Variants in BMP7 observed in about 807,000 individuals in gnomAD.
BMP7 encodes the protein osteogenic protein 1.
Under a neutral mutation model 41.2 loss-of-function variants are expected in BMP7, and 12 were observed. That is an observed-to-expected ratio of 0.29 (90% CI 0.19 to 0.47). The LOEUF (loss-of-function observed/expected upper bound fraction) is 0.47, where lower values mean the gene tolerates loss of function less well. Among genes scored for constraint, BMP7 ranks in the 20% least tolerant of loss-of-function variants. The pLI is 0.99. For synonymous variants in BMP7, 248 were observed against 250.0 expected (o/e 0.99, Z 0.07); for missense variants, 467 against 606.0 (o/e 0.77, Z 2.41).
intron 1 of BMP7, among the ~76,000 whole-genome samples, chr20:57,237,065 A>G (rs2066050707): frequency 6.6e-6 from 1 of 152,232 alleles, no homozygotes; most frequent in African/African-American, 2.4e-5. Flanking sequence ...TTATGAGCAA[A>G]GGGATGCTTT....
In BMP7 at chr20:57,266,258, G is replaced by T; in HGVS notation, c.-136C>A. 1.1e-6 allele frequency: 1 copy of T among 889,040 alleles called. No individual in the cohort carries two copies. Among genetic ancestry groups the T allele is most frequent in the East Asian group, 3.6e-5 (1 of 27,818 alleles). The allele number at this position is 889,040 out of a possible 1,614,324, so 55.1% of individuals were successfully genotyped here. A position where few individuals can be genotyped will look rare whatever the true frequency, so the allele number is the denominator to read the frequency against. On this transcript the variant is annotated 5_prime_UTR_variant, in exon 1 of 7. Coordinates refer to ENST00000395863, the MANE Select transcript of BMP7 (RefSeq NM_001719.3). ...CCCCGCTGCGCCCGCGCCAGACATG[G>T]CCCCTCCCCGGCCGGCCGCGCTCTG... is the stretch of plus-strand genomic sequence containing the variant.
chr20:57,213,025 A>G lies in BMP7; in HGVS notation c.612-10402T>C, dbSNP rs1371478605. ...ACTTTCTTGAAGACGGTGCATATCC[A>G]GGAAGGCTAAAATTAAAGCTTTGGG... On this transcript the variant is annotated intron_variant, in intron 2 of 6. Transcript: ENST00000395863. The surrounding 1 kb of genome is among the most constrained non-coding windows in gnomAD (Gnocchi z 4.4). Among the ~76,000 whole-genome samples, 1 of 152,268 alleles carries G rather than the reference A, an allele frequency of 6.6e-6. No individual in the cohort carries two copies. The highest frequency in any genetic ancestry group is 1.9e-4 in the East Asian group (1 of 5,200).
chr20:57,236,474 T>G (rs2066048203), intron 1 of BMP7, among the ~76,000 whole-genome samples: 1 of 152,152 alleles, frequency 6.6e-6, no homozygotes, highest in African/African-American at 2.4e-5. Context: ...AGCTGTTGAA[T>G]TGGGTTTATG....
intron 2 of BMP7, among the ~76,000 whole-genome samples, chr20:57,219,766 G>A (rs536623262): frequency 5.6e-4 from 86 of 152,270 alleles, no homozygotes; most frequent in Middle Eastern, 3.4e-3. Context: ...GGTGCTCTGC[G>A]CAGCACCGCT....
rs57062226 is a variant in BMP7 at position 57,209,249 on chromosome 20, TTATATA to T, written c.612-6632_612-6627del. ...AACAAATACCTAGATTTATATATTT[TTATATA>T]TATATATATATATATATATATATAT... On this transcript the variant is annotated intron_variant, in intron 2 of 6. Coordinates refer to ENST00000395863, the MANE Select transcript of BMP7 (RefSeq NM_001719.3). 5.5e-3 allele frequency among the ~76,000 whole-genome samples: 517 copies of T among 94,854 alleles called. 6 individuals are homozygous for T. The highest frequency in any genetic ancestry group is 0.013 in the African/African-American group (376 of 29,088). The allele number at this position is 94,854 out of a possible 152,430, so 62.2% of individuals were successfully genotyped here.
chr20:57,226,071 G>T, intron 2 of BMP7: 1 of 417,354 alleles, frequency 2.4e-6, no homozygotes, highest in Admixed American at 2.5e-5. Flanking sequence ...AGCCTGGCAG[G>T]GAGGACGCCT....
chr20:57,258,202 A>G (rs1476075108), intron 1 of BMP7, among the ~76,000 whole-genome samples: 1 of 152,230 alleles, frequency 6.6e-6, no homozygotes, highest in African/African-American at 2.4e-5. Context: ...TTCAAACAGT[A>G]TAAAGAGCTG....
Position 57,259,710 on chromosome 20 carries a change from C to T in BMP7, c.418+5995G>A, listed in dbSNP as rs2066146521. On this transcript the variant is annotated intron_variant, in intron 1 of 6. Transcript: ENST00000395863. The surrounding 1 kb of genome is among the most constrained non-coding windows in gnomAD (Gnocchi z 4.7). The stretch of plus-strand genomic sequence containing the variant: ...GAAAAGGCGGTATTGCACATGCTTG[C>T]CTGAGTTTCGCATAAGTAAGTGTCA... 6.6e-6 allele frequency among the ~76,000 whole-genome samples: 1 copy of T among 152,182 alleles called. No homozygotes were observed. Among genetic ancestry groups the T allele is most frequent in the Admixed American group, 6.5e-5 (1 of 15,282 alleles).
intron 6 of BMP7, 80 bp downstream of exon 6, chr20:57,173,120 A>G (rs555338424): frequency 7.7e-6 from 11 of 1,433,170 alleles, no homozygotes; most frequent in Middle Eastern, 1.8e-4. Context: ...CTCAGGCCCC[A>G]GCTTGGAGGC....
intron 1 of BMP7, among the ~76,000 whole-genome samples, chr20:57,231,764 C>T (rs932767779): frequency 6.6e-6 from 1 of 152,234 alleles, no homozygotes; most frequent in Non-Finnish European, 1.5e-5. Flanking sequence ...TCCCCGCAAA[C>T]CTCAGTTCCC....
rs769487255 is a variant in BMP7, at chr20:57,228,467, G to A, written c.419-46C>T. 2 of 1,601,308 alleles carry A rather than the reference G, an allele frequency of 1.2e-6. No homozygotes were observed. Among genetic ancestry groups the A allele is most frequent in the Non-Finnish European group, 1.7e-6 (2 of 1,168,386 alleles). On this transcript the variant is annotated intron_variant, in intron 1 of 6. Transcript: ENST00000395863. The surrounding 1 kb of genome is among the most constrained non-coding windows in gnomAD (Gnocchi z 4.5). ...ACACCAACACCGACAGCTCATTAGT[G>A]TCTGGGTTTCACTCTCTGGCTCTGA...
intron 1 of BMP7, among the ~76,000 whole-genome samples, chr20:57,238,463 T>C (rs1056377509): frequency 2.6e-5 from 4 of 152,204 alleles, no homozygotes; most frequent in Admixed American, 2.0e-4. Flanking sequence ...TTCAGGGACA[T>C]ACCCAGAAAT....
At chr20:57,265,557 G>A in intron 1 of BMP7, 148 bp downstream of exon 1, 1 of 1,299,358 alleles carries the variant, frequency 7.7e-7, no homozygotes, top group Non-Finnish European at 1.1e-6. Flanking sequence ...GGAGTCATAG[G>A]GCTGTGGGTG....
chr20:57,224,123 A>C lies in BMP7; in HGVS notation c.611+4106T>G, dbSNP rs916735976. ...TCTGCCTGGGCTGAAGGGACCCAGG[A>C]AACTGAGCCCAGGCCTCCTCTGCCA... On this transcript the variant is annotated intron_variant, in intron 2 of 6. Transcript: ENST00000395863. The surrounding 1 kb of genome is among the most constrained non-coding windows in gnomAD (Gnocchi z 4.8). 4.6e-5 allele frequency among the ~76,000 whole-genome samples: 7 copies of C among 152,114 alleles called. No individual in the cohort carries two copies. Among genetic ancestry groups the C allele is most frequent in the African/African-American group, 1.4e-4 (6 of 41,410 alleles).
intron 1 of BMP7, among the ~76,000 whole-genome samples, chr20:57,231,503 C>G (rs1227527549): frequency 1.3e-5 from 2 of 152,208 alleles, no homozygotes; most frequent in Non-Finnish European, 2.9e-5. Context: ...GAGACCAGGT[C>G]TGCCCCCTGA....
At chr20:57,261,000 A>T (rs147164254) in intron 1 of BMP7, among the ~76,000 whole-genome samples, 10 of 152,318 alleles carry the variant, frequency 6.6e-5, no homozygotes, top group Admixed American at 1.3e-4. Context: ...TGATTCTTGC[A>T]ATGGGCCAAA....
At position 57,239,840 on chromosome 20, in the gene BMP7, C is replaced by A. The variant is rs566480588; in HGVS notation, c.419-11419G>T. Among the ~76,000 whole-genome samples the A allele has an allele frequency of 7.9e-5, 12 of 152,358 alleles. 1 individual carries two copies. The highest frequency in any genetic ancestry group is 3.4e-3 in the Middle Eastern group (1 of 294). On this transcript the variant is annotated intron_variant, in intron 1 of 6. Coordinates refer to ENST00000395863, the MANE Select transcript of BMP7 (RefSeq NM_001719.3). ...AAGCTGTACATTGACCCCTTTCAGC[C>A]ATGGCTTGAGTGGCTGGGACACAGG... is the stretch of plus-strand genomic sequence containing the variant.
Position 57,261,783 on chromosome 20 carries a change from C to T in BMP7, c.418+3922G>A, listed in dbSNP as rs1171025965. Among the ~76,000 whole-genome samples the T allele has an allele frequency of 6.6e-6, 1 of 152,202 alleles. No homozygotes were observed. Among genetic ancestry groups the T allele is most frequent in the African/African-American group, 2.4e-5 (1 of 41,452 alleles). On this transcript the variant is annotated intron_variant, in intron 1 of 6. Transcript: ENST00000395863. This position sits in a 1 kb window ranked among gnomAD's most constrained non-coding sequence, Gnocchi z 4.1. ...TGCAAATGCCTGCAGTCCACGCTCC[C>T]CTTTGCGAAGCACTCCCTGAAGGAA...
chr20:57,241,457 C>A (rs1296625927), intron 1 of BMP7, among the ~76,000 whole-genome samples: 1 of 152,210 alleles, frequency 6.6e-6, no homozygotes, highest in African/African-American at 2.4e-5. Flanking sequence ...TCCCCAGGCC[C>A]CCAGATTGGG....
Sources: gnomAD v4.1 joint callset for allele counts (sites outside exome capture counted in the v4.1 genomes callset) on GRCh38, gnomAD v4.1.1 for gene constraint, Gnocchi (gnomAD v3.1) non-coding constraint, MANE v1.5 for transcripts, NCBI Gene and HGNC (gene_info 2026-07-23, HGNC 2026-07-21) for gene names.